Variants in MEF2A observed in about 807,000 individuals in gnomAD.
MEF2A encodes the protein myocyte-specific enhancer factor 2A.
A neutral mutation model predicts 55.8 loss-of-function variants in MEF2A; 28 were observed. The observed-to-expected ratio is 0.50, with a 90% CI of 0.37 to 0.69. MEF2A has a LOEUF of 0.69. Ranked by LOEUF, MEF2A falls within the 30% of genes least tolerant of loss-of-function variation. MEF2A has a pLI of 0.00. For synonymous variants in MEF2A, 239 were observed against 227.1 expected (o/e 1.05, Z -0.47); for missense variants, 528 against 626.2 (o/e 0.84, Z 1.67).
At chr15:99,572,273 T>C (rs1030002570) in intron 1 of MEF2A, among the ~76,000 whole-genome samples, 1 of 152,196 alleles carries the variant, frequency 6.6e-6, no homozygotes, top group Non-Finnish European at 1.5e-5. Context: ...CTAGGGCCTT[T>C]TGCACTTTCT....
chr15:99,690,667 C>G (rs1286334054), intron 8 of MEF2A: 5 of 601,462 alleles, frequency 8.3e-6, no homozygotes, highest in Non-Finnish European at 9.3e-6. Context: ...GTGGTTGGAA[C>G]TGGAGGTTAT....
intron 4 of MEF2A, among the ~76,000 whole-genome samples, chr15:99,647,448 C>T (rs968716592): frequency 1.2e-4 from 19 of 152,200 alleles, no homozygotes; most frequent in Admixed American, 1.2e-3. Flanking sequence ...AACTACACTG[C>T]TCTTTCATTG....
intron 1 of MEF2A, among the ~76,000 whole-genome samples, chr15:99,597,047 A>G (rs1358835093): frequency 2.0e-5 from 3 of 152,244 alleles, no homozygotes; most frequent in Non-Finnish European, 4.4e-5. Flanking sequence ...TGCACAAATT[A>G]TACAGCATGT....
chr15:99,670,483 G>A (rs559273940), intron 4 of MEF2A, among the ~76,000 whole-genome samples: 7 of 152,066 alleles, frequency 4.6e-5, no homozygotes, highest in African/African-American at 1.2e-4. Context: ...GGTGGCGGGC[G>A]CTTGTAGTCC....
intron 4 of MEF2A, among the ~76,000 whole-genome samples, chr15:99,668,115 A>C (rs1244936754): frequency 2.2e-4 from 33 of 152,232 alleles, no homozygotes; most frequent in Admixed American, 2.2e-3. Flanking sequence ...ACATAAATAG[A>C]AAAATGATTG....
intron 11 of MEF2A, among the ~76,000 whole-genome samples, chr15:99,711,988 G>A (rs1435623542): frequency 6.6e-6 from 1 of 152,212 alleles, no homozygotes; most frequent in South Asian, 2.1e-4. Flanking sequence ...GCGAGGATGA[G>A]CGATGTTGTG....
intron 3 of MEF2A, among the ~76,000 whole-genome samples, chr15:99,641,637 G>A (rs866254089): frequency 1.3e-5 from 2 of 152,024 alleles, no homozygotes; most frequent in African/African-American, 4.8e-5. Context: ...GCAGGAGAAC[G>A]GCATGAACTC....
intron 3 of MEF2A, among the ~76,000 whole-genome samples, chr15:99,637,040 G>C (rs932601158): frequency 6.6e-6 from 1 of 151,210 alleles, no homozygotes; most frequent in Admixed American, 6.6e-5. Context: ...TGTTCCATTT[G>C]ATTATTTGTA....
At chr15:99,671,807 A>G (rs1452933586) in intron 5 of MEF2A, 3 of 908,502 alleles carry the variant, frequency 3.3e-6, no homozygotes, top group Non-Finnish European at 4.7e-6. Flanking sequence ...ACTTCAAAAT[A>G]AAATTGCTGA....
chr15:99,594,282 CT>C (rs1567182356), intron 1 of MEF2A, among the ~76,000 whole-genome samples: 1 of 152,114 alleles, frequency 6.6e-6, no homozygotes, highest in Non-Finnish European at 1.5e-5. Context: ...AAACACTTTA[CT>C]TATGTTTACC....
intron 1 of MEF2A, among the ~76,000 whole-genome samples, chr15:99,585,452 TC>T (rs1298431623): frequency 1.3e-5 from 2 of 152,354 alleles, no homozygotes; most frequent in Non-Finnish European, 2.9e-5. Flanking sequence ...TTGAAATAAA[TC>T]TGTTCTTTTA....
chr15:99,589,110 G>C (rs567244434), intron 1 of MEF2A, among the ~76,000 whole-genome samples: 2 of 152,234 alleles, frequency 1.3e-5, no homozygotes, highest in African/African-American at 4.8e-5. Flanking sequence ...CTCTCCTTCT[G>C]TTTCCTGAAG....
In MEF2A at chr15:99,625,179, G is replaced by GT. The variant is rs111693338; in HGVS notation, c.-142-7798dup. ...GGGTTTATAGGGATTTAACCCCATC[G>GT]TAAGTCAAGTAGCATCTGTATTCTC... On this transcript the variant is annotated intron_variant, in intron 2 of 11. Coordinates refer to ENST00000557942, the MANE Select transcript of MEF2A (RefSeq NM_001319206.4). 9.5e-4 allele frequency among the ~76,000 whole-genome samples: 145 copies of GT among 152,230 alleles called. 1 individual carries two copies. The highest frequency in any genetic ancestry group is 3.4e-3 in the African/African-American group (142 of 41,548).
At position 99,656,270 on chromosome 15, in the gene MEF2A, A is replaced by G. The variant is rs189987318; in HGVS notation, c.258+10506A>G. On this transcript the variant is annotated intron_variant, in intron 4 of 11. Transcript: ENST00000557942. ...CCTTATCTCCCCATCCTCCACATCT[A>G]CTAACATATATTACTTCCAGCCTTT... Among the ~76,000 whole-genome samples the G allele has an allele frequency of 7.7e-4, 118 of 152,270 alleles. No homozygotes were observed. In the South Asian group the frequency reaches 0.014, roughly 18 times the overall value.
At chr15:99,609,898 CCTTGT>C (rs1207031487) in intron 2 of MEF2A, among the ~76,000 whole-genome samples, 1 of 151,786 alleles carries the variant, frequency 6.6e-6, no homozygotes, top group Non-Finnish European at 1.5e-5. Context: ...AATGTAGTTG[CCTTGT>C]CTTATATTAA....
At chr15:99,643,056 T>C (rs2045310957) in intron 3 of MEF2A, among the ~76,000 whole-genome samples, 1 of 152,240 alleles carries the variant, frequency 6.6e-6, no homozygotes, top group Non-Finnish European at 1.5e-5. Flanking sequence ...AGAATTTACA[T>C]CATTTTAATG....
At chr15:99,645,816 T>G in intron 4 of MEF2A, 52 bp downstream of exon 4, 1 of 1,284,798 alleles carries the variant, frequency 7.8e-7, no homozygotes, top group Non-Finnish European at 1.1e-6. Flanking sequence ...AAATATTTTG[T>G]TTAATAGCAT....
intron 4 of MEF2A, among the ~76,000 whole-genome samples, chr15:99,661,643 T>C (rs897614391): frequency 2.0e-5 from 3 of 152,118 alleles, no homozygotes; most frequent in African/African-American, 7.2e-5. Flanking sequence ...TGTGCTTCAT[T>C]TCATTAGTAG....
intron 2 of MEF2A, among the ~76,000 whole-genome samples, chr15:99,610,432 C>CCCCA (rs1976815007): frequency 8.5e-6 from 1 of 117,372 alleles, no homozygotes; most frequent in African/African-American, 3.5e-5. Flanking sequence ...CCCCCACCCC[C>CCCCA]CCCCGAAATT....
Sources: gnomAD v4.1 joint callset for allele counts (sites outside exome capture counted in the v4.1 genomes callset) on GRCh38, gnomAD v4.1.1 for gene constraint, MANE v1.5 for transcripts, NCBI Gene and HGNC (gene_info 2026-07-23, HGNC 2026-07-21) for gene names.